Variants in ATP8A1 observed in about 807,000 individuals in gnomAD.
ATP8A1 encodes phospholipid-transporting ATPase IA.
ATP8A1 carries 90 observed loss-of-function variants against 177.7 expected under a neutral mutation model. That is an observed-to-expected ratio of 0.51 (90% CI 0.43 to 0.60). The LOEUF (loss-of-function observed/expected upper bound fraction) is 0.60. Among genes scored for constraint, ATP8A1 ranks in the 20% least tolerant of loss-of-function variants. The pLI, the probability that ATP8A1 is intolerant of heterozygous loss-of-function variation, is 0.00. For synonymous variants in ATP8A1, 493 were observed against 485.9 expected (o/e 1.01, Z -0.19); for missense variants, 1,072 against 1,392.8 (o/e 0.77, Z 3.67).
rs1729471227 is a variant in ATP8A1, at chr4:42,551,249, T to A, written c.1551A>T (p.Gln517His). 2.5e-6 allele frequency: 4 copies of A among 1,613,888 alleles called. No homozygotes were observed. Among genetic ancestry groups the A allele is most frequent in the Non-Finnish European group, 3.4e-6 (4 of 1,179,900 alleles). The part of the protein sequence containing the change: ...DEGALVRAAK[Q>H]LNFVFTGRTP... ...TTCTTCCAGTGAAAACAAAATTCAA[T>A]TGCTTGGCTGCTCTGACCAATGCTC... Residue 517 changes from glutamine (Q) to histidine (H), a missense_variant, in exon 18 of 37, where the codon CAA (glutamine) becomes CAT (histidine). By Grantham distance (24) the Gln-to-His change is conservative (BLOSUM62 0). Around this residue, in one of 5 missense-constraint regions of ATP8A1, gnomAD observed 388 missense variants for 471.7 expected, o/e 0.82. Transcript: ENST00000381668.
At chr4:42,581,512 G>C in intron 10 of ATP8A1, 109 bp downstream of exon 10, 1 of 780,302 alleles carries the variant, frequency 1.3e-6, no homozygotes, top group Non-Finnish European at 2.2e-6. Flanking sequence ...GTTGGATCAG[G>C]AGTCTGTGAC....
chr4:42,512,452 C>T (rs1458571358), intron 22 of ATP8A1, among the ~76,000 whole-genome samples: 2 of 152,174 alleles, frequency 1.3e-5, no homozygotes, highest in Non-Finnish European at 1.5e-5. Context: ...TGCATGCCTG[C>T]ATTCATTCAC....
chr4:42,502,776 T>C (rs1723982893), intron 24 of ATP8A1, among the ~76,000 whole-genome samples: 1 of 152,246 alleles, frequency 6.6e-6, no homozygotes, highest in Non-Finnish European at 1.5e-5. Flanking sequence ...TGCGTCATAA[T>C]GACTATTTTA....
intron 23 of ATP8A1, among the ~76,000 whole-genome samples, chr4:42,506,692 T>C (rs1407009399): frequency 1.4e-5 from 2 of 147,824 alleles, no homozygotes; most frequent in African/African-American, 4.9e-5. Flanking sequence ...TTATAAACTC[T>C]TTCCAAAACA....
At chr4:42,427,283 T>C (rs1380457905) in intron 33 of ATP8A1, among the ~76,000 whole-genome samples, 1 of 152,240 alleles carries the variant, frequency 6.6e-6, no homozygotes, top group Admixed American at 6.5e-5. Flanking sequence ...CATGAAATTC[T>C]GGGTTAATAT....
intron 9 of ATP8A1, among the ~76,000 whole-genome samples, chr4:42,584,076 C>G (rs1327966398): frequency 6.6e-6 from 1 of 152,184 alleles, no homozygotes; most frequent in Non-Finnish European, 1.5e-5. Flanking sequence ...GATGACAGTT[C>G]AGGGTATACT....
At chr4:42,415,476 C>T (rs1434478509) in intron 35 of ATP8A1, among the ~76,000 whole-genome samples, 1 of 152,114 alleles carries the variant, frequency 6.6e-6, no homozygotes, top group African/African-American at 2.4e-5. Context: ...AAAAGTGTCT[C>T]ACACAGTAGA....
chr4:42,454,628 T>C lies in ATP8A1; in HGVS notation c.2817+669A>G, dbSNP rs144823833. On this transcript the variant is annotated intron_variant, in intron 29 of 36. Coordinates refer to ENST00000381668, the MANE Select transcript of ATP8A1 (RefSeq NM_006095.2). ...ACCAATGGAAACACTTTAGAATATA[T>C]ACTTGCAGGAAAGTAAACTATATAG... Among the ~76,000 whole-genome samples, 14 of 152,288 alleles carry C rather than the reference T, an allele frequency of 9.2e-5. No homozygotes were observed. In the East Asian group the frequency reaches 2.1e-3, roughly 23 times the overall value.
chr4:42,503,323 C>T, intron 24 of ATP8A1, 127 bp downstream of exon 24: 1 of 544,396 alleles, frequency 1.8e-6, no homozygotes. Context: ...TATGTTAAAA[C>T]AGAACAACAG....
chr4:42,478,529 T>C (rs1265569931), intron 25 of ATP8A1, among the ~76,000 whole-genome samples: 2 of 151,314 alleles, frequency 1.3e-5, no homozygotes, highest in East Asian at 1.9e-4. Flanking sequence ...TAAGGTGAAA[T>C]AGAATGGGAC....
chr4:42,550,527 AG>A (rs1296955348), intron 18 of ATP8A1, among the ~76,000 whole-genome samples: 1 of 152,344 alleles, frequency 6.6e-6, no homozygotes, highest in Non-Finnish European at 1.5e-5. Context: ...GGTTTTCCAA[AG>A]GGACTTTACC....
At chr4:42,551,175 A>G (rs1280498225) in intron 18 of ATP8A1, 23 bp downstream of exon 18, 1 of 1,583,034 alleles carries the variant, frequency 6.3e-7, no homozygotes, top group African/African-American at 1.3e-5. Flanking sequence ...GATTAAAAAG[A>G]ACCTTAAAAA....
chr4:42,421,408 C>G (rs914626827), intron 35 of ATP8A1, among the ~76,000 whole-genome samples: 3 of 152,114 alleles, frequency 2.0e-5, no homozygotes, highest in African/African-American at 7.2e-5. Flanking sequence ...GGCATGGACT[C>G]CAGGCCCAGA....
At chr4:42,588,574 T>G (rs965538450) in intron 7 of ATP8A1, 1 of 383,520 alleles carries the variant, frequency 2.6e-6, no homozygotes, top group African/African-American at 2.1e-5. Context: ...TCAGTAATGG[T>G]CTTCAAGATA....
At chr4:42,602,726 G>A (rs1170834246) in intron 5 of ATP8A1, among the ~76,000 whole-genome samples, 1 of 151,980 alleles carries the variant, frequency 6.6e-6, no homozygotes, top group Non-Finnish European at 1.5e-5. Flanking sequence ...CCAAGATGAC[G>A]CCACTGCACT....
chr4:42,522,753 C>T (rs1378001459), intron 21 of ATP8A1, among the ~76,000 whole-genome samples: 2 of 152,168 alleles, frequency 1.3e-5, no homozygotes, highest in Non-Finnish European at 2.9e-5. Context: ...AACGACTGCC[C>T]ACTGTCTGCC....
At chr4:42,548,087 T>C (rs989768112) in intron 19 of ATP8A1, among the ~76,000 whole-genome samples, 2 of 152,216 alleles carry the variant, frequency 1.3e-5, no homozygotes, top group Non-Finnish European at 2.9e-5. Flanking sequence ...TCACTGATTA[T>C]AACTGAAGGG....
chr4:42,552,107 GTTCTAAAGT>G (rs1193851869), intron 17 of ATP8A1, among the ~76,000 whole-genome samples: 2 of 152,136 alleles, frequency 1.3e-5, no homozygotes, highest in East Asian at 3.8e-4. Flanking sequence ...CAAAATTGGT[GTTCTAAAGT>G]TATATAAGCT....
intron 5 of ATP8A1, among the ~76,000 whole-genome samples, chr4:42,602,982 C>CCCAA (rs1735449686): frequency 2.0e-5 from 3 of 151,998 alleles, no homozygotes; most frequent in African/African-American, 7.3e-5. Context: ...TCAATAGTGT[C>CCCAA]TAGAGCTCTG....
Sources: allele counts gnomAD v4.1 joint callset (sites outside exome capture counted in the v4.1 genomes callset), GRCh38; gene constraint gnomAD v4.1.1; regional missense constraint gnomAD v4.1.1; transcripts MANE v1.5; gene names NCBI Gene and HGNC (gene_info 2026-07-23, HGNC 2026-07-21).